The following CDH4 variants were observed in gnomAD, a reference collection of about 807,000 sequenced individuals.
CDH4 encodes cadherin 4, also known as cadherin-4.
Under a neutral mutation model 86.0 loss-of-function variants are expected in CDH4, and 33 were observed. That is an observed-to-expected ratio of 0.38 (90% confidence interval 0.29 to 0.51). The LOEUF (loss-of-function observed/expected upper bound fraction) is 0.51, where lower values mean the gene tolerates loss of function less well. CDH4 is among the 20% of genes least tolerant of loss of function. The probability of loss-of-function intolerance (pLI) is 0.86; values close to 1 mark genes in which losing one functional copy is unlikely to be tolerated. For missense variants in CDH4, 1,114 were observed against 1,307.4 expected, an observed-to-expected ratio of 0.85 and a Z score of 2.28; for synonymous variants, 555 against 549.4, an observed-to-expected ratio of 1.01 and a Z score of -0.14.
intron 8 of CDH4, among the ~76,000 whole-genome samples, chr20:61,903,528 G>A (rs1222191022): frequency 3.6e-5 from 3 of 82,772 alleles, no homozygotes; most frequent in Non-Finnish European, 6.2e-5. Flanking sequence ...GTGGGCAGCA[G>A]AAGAGACTCC....
At chr20:61,719,659 C>G (rs1028265311) in intron 2 of CDH4, 1 of 155,810 alleles carries the variant, frequency 6.4e-6, no homozygotes, top group African/African-American at 2.4e-5. Context: ...AATGTCCCCC[C>G]AGAAGAGAAA....
intron 2 of CDH4, among the ~76,000 whole-genome samples, chr20:61,413,547 G>A (rs955052928): frequency 1.4e-4 from 22 of 152,280 alleles, no homozygotes; most frequent in Admixed American, 1.1e-3. Flanking sequence ...GGCATGCTGT[G>A]TGTCTTGTGC....
At chr20:61,575,085 A>G (rs2086372809) in intron 2 of CDH4, among the ~76,000 whole-genome samples, 1 of 152,198 alleles carries the variant, frequency 6.6e-6, no homozygotes, top group Admixed American at 6.5e-5. Flanking sequence ...TCTGCAGGTG[A>G]CAACACTGAA....
intron 2 of CDH4, among the ~76,000 whole-genome samples, chr20:61,261,534 A>C (rs185185359): frequency 6.6e-6 from 1 of 152,160 alleles, no homozygotes; most frequent in Non-Finnish European, 1.5e-5. Flanking sequence ...GGGAGGTAAA[A>C]TTGTTCTCAT....
Position 61,760,436 on chromosome 20 carries a change from T to C in CDH4, c.397-12567T>C, listed in dbSNP as rs576341588. Among the ~76,000 whole-genome samples the C allele has an allele frequency of 5.3e-5, 8 of 152,276 alleles. No homozygotes were observed. The South Asian group carries it at 1.5e-3, about 28-fold the overall frequency. ...GGGTGATCCTCCATGCTCTGTGTCC[T>C]GTGAGAGGAGGAACGGTGAGGGCTG... On this transcript the variant is annotated intron_variant, in intron 3 of 15. Transcript: ENST00000614565.
chr20:61,272,009 G>A (rs558963992), intron 2 of CDH4, among the ~76,000 whole-genome samples: 90 of 152,310 alleles, frequency 5.9e-4, no homozygotes, highest in African/African-American at 1.9e-3. Context: ...GAGGCAAGGC[G>A]CTGCTCTTGT....
chr20:61,513,917 C>T (rs2085798287), intron 2 of CDH4, among the ~76,000 whole-genome samples: 2 of 152,166 alleles, frequency 1.3e-5, no homozygotes, highest in Non-Finnish European at 2.9e-5. Flanking sequence ...AGCCAAGCGT[C>T]CACACCAAAG....
At chr20:61,725,067 G>A (rs1018657696) in intron 2 of CDH4, among the ~76,000 whole-genome samples, 5 of 152,174 alleles carry the variant, frequency 3.3e-5, no homozygotes, top group African/African-American at 1.2e-4. Flanking sequence ...AGCTATGATT[G>A]TGCCATTGCA....
rs1980217011 is a variant in CDH4 at position 61,807,795 on chromosome 20, G to A, written c.576+34613G>A. 1.3e-5 allele frequency among the ~76,000 whole-genome samples: 2 copies of A among 152,192 alleles called. No homozygotes were observed. The highest frequency in any genetic ancestry group is 4.8e-5 in the African/African-American group (2 of 41,450). On this transcript the variant is annotated intron_variant, in intron 4 of 15. Transcript: ENST00000614565. The surrounding 1 kb of genome is among the most constrained non-coding windows in gnomAD (Gnocchi z 4.5). Reference sequence around the variant, plus strand: ...AGTTCTGAAATATAGGAAGGGAAGTGATAGGACGTCTCTGCACACAGCACA... The same window carrying A: ...AGTTCTGAAATATAGGAAGGGAAGTAATAGGACGTCTCTGCACACAGCACA...
intron 4 of CDH4, among the ~76,000 whole-genome samples, chr20:61,839,919 CAT>C (rs777505524): frequency 6.7e-6 from 1 of 149,962 alleles, no homozygotes; most frequent in African/African-American, 2.5e-5. Flanking sequence ...GTGTGTGTGT[CAT>C]GTGTACATGT....
intron 2 of CDH4, among the ~76,000 whole-genome samples, chr20:61,575,007 G>A (rs1033576545): frequency 1.3e-5 from 2 of 152,182 alleles, no homozygotes; most frequent in African/African-American, 4.8e-5. Context: ...CACCACGCTG[G>A]GAAGGTGCGG....
chr20:61,331,150 C>T (rs2084570419), intron 2 of CDH4, among the ~76,000 whole-genome samples: 1 of 152,058 alleles, frequency 6.6e-6, no homozygotes, highest in Non-Finnish European at 1.5e-5. Context: ...TGGGGCTCGG[C>T]GTCTCTGTCC....
chr20:61,669,890 G>A (rs1036199485), intron 2 of CDH4, among the ~76,000 whole-genome samples: 1 of 152,142 alleles, frequency 6.6e-6, no homozygotes, highest in African/African-American at 2.4e-5. Flanking sequence ...TAGAAGAGCG[G>A]GTTCTGCTCC....
At chr20:61,853,579 G>A (rs1033338486) in intron 6 of CDH4, among the ~76,000 whole-genome samples, 17 of 152,130 alleles carry the variant, frequency 1.1e-4, no homozygotes, top group Admixed American at 2.0e-4. Context: ...CATCTCTGCC[G>A]TCTGTGACTG....
In CDH4 at chr20:61,777,831, C is replaced by T. The variant is rs1373142189; in HGVS notation, c.576+4649C>T. On this transcript the variant is annotated intron_variant, in intron 4 of 15. Coordinates refer to ENST00000614565, the MANE Select transcript of CDH4 (RefSeq NM_001794.5). Reference sequence around the variant, plus strand: ...ACAAAAACACACATCCACATGCGCACGCACTTGCATACAAAAACACATCCA... The same window carrying T: ...ACAAAAACACACATCCACATGCGCATGCACTTGCATACAAAAACACATCCA... 1.0e-4 allele frequency among the ~76,000 whole-genome samples: 15 copies of T among 145,184 alleles called. 3 individuals carry two copies. Among genetic ancestry groups the T allele is most frequent in the African/African-American group, 2.9e-4 (11 of 38,228 alleles).
At chr20:61,860,725 G>A (rs1443660772) in intron 6 of CDH4, among the ~76,000 whole-genome samples, 1 of 152,182 alleles carries the variant, frequency 6.6e-6, no homozygotes, top group East Asian at 1.9e-4. Context: ...TGTCCAGGTG[G>A]CATCCAGGCC....
At chr20:61,727,114 G>A (rs181880070) in intron 2 of CDH4, among the ~76,000 whole-genome samples, 16 of 145,654 alleles carry the variant, frequency 1.1e-4, no homozygotes, top group African/African-American at 3.3e-4. Flanking sequence ...CATCACCATC[G>A]TTGCCATCAT....
chr20:61,884,483 AGGAG>A (rs897844832), intron 7 of CDH4, among the ~76,000 whole-genome samples: 40 of 151,834 alleles, frequency 2.6e-4, no homozygotes, highest in African/African-American at 8.0e-4. Flanking sequence ...CAGGGTGTTC[AGGAG>A]GGAGGGAGGG....
intron 2 of CDH4, among the ~76,000 whole-genome samples, chr20:61,584,354 C>T (rs1028484651): frequency 1.3e-5 from 2 of 152,170 alleles, no homozygotes; most frequent in Non-Finnish European, 2.9e-5. Context: ...GAAGGTCTCC[C>T]TCAGAGAAGC....
Sources: gnomAD v4.1 joint callset for allele counts (sites outside exome capture counted in the v4.1 genomes callset) on GRCh38, gnomAD v4.1.1 for gene constraint, Gnocchi (gnomAD v3.1) non-coding constraint, MANE v1.5 for transcripts, NCBI Gene and HGNC (gene_info 2026-07-23, HGNC 2026-07-21) for gene names.